The following LRRC4C variants were observed in gnomAD, a reference collection of about 807,000 sequenced individuals.
LRRC4C encodes the protein leucine-rich repeat-containing protein 4C.
LRRC4C carries 5 observed loss-of-function variants against 33.6 expected under a neutral mutation model. That is an observed-to-expected ratio of 0.15 (90% CI 0.08 to 0.31). LRRC4C has a LOEUF of 0.31. Ranked by LOEUF, LRRC4C falls within the 10% of genes least tolerant of loss-of-function variation. LRRC4C has a pLI of 1.00. For synonymous variants in LRRC4C, 329 were observed against 302.0 expected (o/e 1.09, Z -0.93); for missense variants, 560 against 796.7 (o/e 0.70, Z 3.58).
chr11:40,560,941 A>T (rs1238192192), intron 3 of LRRC4C, among the ~76,000 whole-genome samples: 1 of 152,214 alleles, frequency 6.6e-6, no homozygotes, highest in African/African-American at 2.4e-5. Context: ...AAGGACAAAA[A>T]GAGATTCAAT....
intron 1 of LRRC4C, among the ~76,000 whole-genome samples, chr11:41,447,276 T>C (rs1409477457): frequency 6.6e-6 from 1 of 152,188 alleles, no homozygotes; most frequent in Non-Finnish European, 1.5e-5. Flanking sequence ...CATATGTTTA[T>C]ACTAAGAATT....
At chr11:41,047,663 C>T (rs964158694) in intron 1 of LRRC4C, among the ~76,000 whole-genome samples, 1 of 152,182 alleles carries the variant, frequency 6.6e-6, no homozygotes, top group South Asian at 2.1e-4. Context: ...TCCAGAAATG[C>T]TCATGACTCC....
chr11:40,604,076 T>C (rs993657674), intron 3 of LRRC4C, among the ~76,000 whole-genome samples: 1 of 152,022 alleles, frequency 6.6e-6, no homozygotes, highest in Non-Finnish European at 1.5e-5. Flanking sequence ...CACATACAGA[T>C]AGAAAGAAAG....
In LRRC4C at chr11:40,451,366, C is replaced by CTTTTTT. The variant is rs71060962; in HGVS notation, c.-269-131651_-269-131646dup. Among the ~76,000 whole-genome samples, 38 of 47,086 alleles carry CTTTTTT rather than the reference C, an allele frequency of 8.1e-4. 14 individuals carry two copies. Among genetic ancestry groups the CTTTTTT allele is most frequent in the African/African-American group, 2.9e-3 (31 of 10,754 alleles). The allele number at this position is 47,086 out of a possible 152,430, so 30.9% of individuals were successfully genotyped here. ...ACTATTAGCCTTACAGAAATAATGA[C>CTTTTTT]TTTTTTTTTTTTTTTTTTTTTTTTT... On this transcript the variant is annotated intron_variant, in intron 3 of 6. Coordinates refer to ENST00000528697, the MANE Select transcript of LRRC4C (RefSeq NM_001258419.2).
intron 3 of LRRC4C, among the ~76,000 whole-genome samples, chr11:40,626,488 A>G (rs896698335): frequency 1.3e-5 from 2 of 152,170 alleles, no homozygotes; most frequent in Non-Finnish European, 2.9e-5. Context: ...TGCTTCACAT[A>G]GCACAGACTT....
At chr11:41,097,809 C>A (rs12223313) in intron 1 of LRRC4C, among the ~76,000 whole-genome samples, 2 of 152,006 alleles carry the variant, frequency 1.3e-5, no homozygotes, top group East Asian at 3.9e-4. Flanking sequence ...TTTCCTAAAT[C>A]ACACCAAGAC....
intron 3 of LRRC4C, among the ~76,000 whole-genome samples, chr11:40,348,286 C>CA (rs1232736720): frequency 6.6e-6 from 1 of 151,422 alleles, no homozygotes; most frequent in Non-Finnish European, 1.5e-5. Context: ...AAAAAAAACC[C>CA]AAAAAATCTG....
intron 1 of LRRC4C, among the ~76,000 whole-genome samples, chr11:41,247,937 C>T (rs1000124322): frequency 6.6e-6 from 1 of 152,068 alleles, no homozygotes; most frequent in Non-Finnish European, 1.5e-5. Context: ...GCTCTTTGGA[C>T]TCTTGATGCC....
chr11:40,835,246 AAG>A (rs2135580075), intron 2 of LRRC4C, among the ~76,000 whole-genome samples: 1 of 152,328 alleles, frequency 6.6e-6, no homozygotes, highest in African/African-American at 2.4e-5. Flanking sequence ...AATATAAAAA[AAG>A]AGTTACTAAA....
rs116316285 is a variant in LRRC4C at position 40,996,565 on chromosome 11, T to C, written c.-495-62842A>G. Among the ~76,000 whole-genome samples, 841 of 152,268 alleles carry C rather than the reference T, an allele frequency of 5.5e-3. 13 individuals are homozygous for C. The highest frequency in any genetic ancestry group is 0.04 in the South Asian group (193 of 4,828). ...GATAGATAGGACCTGTAGTAGAGGT[T>C]GGCCACATGTGTCAGTCATTTTATG... On this transcript the variant is annotated intron_variant, in intron 1 of 6. Transcript: ENST00000528697.
intron 1 of LRRC4C, among the ~76,000 whole-genome samples, chr11:41,370,622 A>G (rs1952712029): frequency 6.6e-6 from 1 of 152,094 alleles, no homozygotes; most frequent in Non-Finnish European, 1.5e-5. Context: ...GCCAATTGGA[A>G]CTGTAAGTCC....
chr11:40,162,430 C>A (rs779212389), intron 5 of LRRC4C, among the ~76,000 whole-genome samples: 2 of 152,050 alleles, frequency 1.3e-5, no homozygotes, highest in Non-Finnish European at 2.9e-5. Flanking sequence ...GGTAAGAGAA[C>A]AAGCAAGCAC....
intron 2 of LRRC4C, among the ~76,000 whole-genome samples, chr11:40,824,515 G>A (rs191049242): frequency 2.6e-5 from 4 of 151,936 alleles, no homozygotes; most frequent in East Asian, 3.9e-4. Flanking sequence ...CTGGATTCAC[G>A]TTTCCACTAC....
intron 1 of LRRC4C, among the ~76,000 whole-genome samples, chr11:41,029,772 A>T (rs747594340): frequency 3.3e-5 from 5 of 151,862 alleles, no homozygotes; most frequent in Admixed American, 6.6e-5. Context: ...TAAATAGGTA[A>T]TGTCAACATA....
At chr11:40,731,181 T>C (rs1319334986) in intron 2 of LRRC4C, among the ~76,000 whole-genome samples, 3 of 151,662 alleles carry the variant, frequency 2.0e-5, no homozygotes, top group Non-Finnish European at 4.4e-5. Context: ...TAGCCGGGCG[T>C]GGTGGCAAGT....
Position 41,279,381 on chromosome 11 carries a change from AACACACACACACACAC to A in LRRC4C, c.-496+180034_-496+180049del, listed in dbSNP as rs575973002. 6.4e-3 allele frequency among the ~76,000 whole-genome samples: 808 copies of A among 126,450 alleles called. 7 individuals carry two copies. Among genetic ancestry groups the A allele is most frequent in the African/African-American group, 0.021 (734 of 34,216 alleles). The allele number at this position is 126,450 out of a possible 152,430, so 83.0% of individuals were successfully genotyped here. ...CCATCCCATCACATACACACACACAAACACACACACACACACACACACACACACACACACACACACA... is the reference window on the plus strand; with the variant it reads ...CCATCCCATCACATACACACACACAAACACACACACACACACACACACACA... On this transcript the variant is annotated intron_variant, in intron 1 of 6. Coordinates refer to ENST00000528697, the MANE Select transcript of LRRC4C (RefSeq NM_001258419.2).
intron 1 of LRRC4C, among the ~76,000 whole-genome samples, chr11:41,177,549 T>C (rs1945259410): frequency 1.3e-5 from 2 of 152,192 alleles, no homozygotes; most frequent in Admixed American, 1.3e-4. Context: ...CCTCCCTCTC[T>C]ACCTTCAACC....
At chr11:41,287,946 G>T (rs1240508461) in intron 1 of LRRC4C, among the ~76,000 whole-genome samples, 1 of 152,222 alleles carries the variant, frequency 6.6e-6, no homozygotes, top group East Asian at 1.9e-4. Context: ...ATTTATACTT[G>T]TTATGCAATC....
intron 2 of LRRC4C, among the ~76,000 whole-genome samples, chr11:40,871,563 A>G (rs1013319712): frequency 6.6e-6 from 1 of 152,112 alleles, no homozygotes; most frequent in Non-Finnish European, 1.5e-5. Flanking sequence ...GAATGATTAC[A>G]TATCAGGGAA....
Sources: allele counts gnomAD v4.1 joint callset (sites outside exome capture counted in the v4.1 genomes callset), GRCh38; gene constraint gnomAD v4.1.1; transcripts MANE v1.5; gene names NCBI Gene and HGNC (gene_info 2026-07-23, HGNC 2026-07-21).